TOP3A: variants seen among roughly 807,000 people sequenced by gnomAD.
TOP3A encodes DNA topoisomerase 3-alpha.
A neutral mutation model predicts 111.3 loss-of-function variants in TOP3A; 64 were observed. The observed-to-expected ratio is 0.57, with a 90% confidence interval of 0.47 to 0.71. The LOEUF is 0.71. TOP3A is among the 30% of genes least tolerant of loss of function. The pLI is 0.00. For missense variants in TOP3A, 1,104 were observed against 1,285.0 expected, an observed-to-expected ratio of 0.86 and a Z score of 2.15; for synonymous variants, 484 against 485.1, an observed-to-expected ratio of 1.00 and a Z score of 0.03.
At position 18,274,784 on chromosome 17, in the gene TOP3A, C is replaced by T. The variant is rs772448359; in HGVS notation, c.*18G>A. 2 of 1,604,192 alleles carry T rather than the reference C, an allele frequency of 1.2e-6. No homozygotes were observed. Among genetic ancestry groups the T allele is most frequent in the Non-Finnish European group, 1.7e-6 (2 of 1,173,618 alleles). ...GGGACAGGTCTGAGAAAGTGGCGTT[C>T]TCTACCCTACCCTGAGCTCATCTGT... On this transcript the variant is annotated 3_prime_UTR_variant, in exon 19 of 19. Coordinates refer to ENST00000321105, the MANE Select transcript of TOP3A (RefSeq NM_004618.5).
At chr17:18,302,190 A>G (rs533678246) in intron 7 of TOP3A, 74 bp downstream of exon 7, 28 of 1,508,500 alleles carry the variant, frequency 1.9e-5, no homozygotes, top group South Asian at 2.5e-5. Context: ...TATTAGTGCT[A>G]TTAATGCTCA....
intron 9 of TOP3A, among the ~76,000 whole-genome samples, chr17:18,296,101 C>A (rs968034249): frequency 1.3e-5 from 2 of 152,154 alleles, no homozygotes; most frequent in Non-Finnish European, 2.9e-5. Flanking sequence ...GTCTAATACA[C>A]TGCTTTAACA....
intron 9 of TOP3A, among the ~76,000 whole-genome samples, chr17:18,297,220 G>A (rs1980866899): frequency 6.6e-6 from 1 of 152,208 alleles, no homozygotes; most frequent in African/African-American, 2.4e-5. Flanking sequence ...GAGGTCAGAA[G>A]TTCGAGACCA....
At chr17:18,303,099 C>G (rs911642940) in intron 5 of TOP3A, 54 of 180,318 alleles carry the variant, frequency 3.0e-4, no homozygotes, top group African/African-American at 1.2e-3. Context: ...TTGTCCCAAC[C>G]CTGTGCTCAC....
At position 18,271,814 on chromosome 17, in the gene TOP3A, G is replaced by A. The variant is rs1404562021; in HGVS notation, c.*2988C>T. On this transcript the variant is annotated 3_prime_UTR_variant, in exon 19 of 19. Coordinates refer to ENST00000321105, the MANE Select transcript of TOP3A (RefSeq NM_004618.5). ...TGATGGCTCCTGCCTGTTAATCCTA[G>A]CACTTTGGGAGGCCGAGGCTGGTAG... 3 of 442,264 alleles carry A rather than the reference G, an allele frequency of 6.8e-6. No homozygotes were observed. 27.4% of individuals were successfully genotyped at this position (442,264 alleles called of 1,614,324 possible).
At chr17:18,284,214 G>A (rs1419396826) in intron 15 of TOP3A, among the ~76,000 whole-genome samples, 2 of 147,742 alleles carry the variant, frequency 1.4e-5, no homozygotes, top group Non-Finnish European at 3.0e-5. Flanking sequence ...GGGTTTCACT[G>A]TGTTGGCCAG....
Position 18,274,618 on chromosome 17 carries a change from G to T in TOP3A, c.*184C>A. On this transcript the variant is annotated 3_prime_UTR_variant, in exon 19 of 19. Coordinates refer to ENST00000321105, the MANE Select transcript of TOP3A (RefSeq NM_004618.5). ...CTGGGAAGAGGGTCACTGTCCAGCA[G>T]AGCTGGCCTGCTCCAGAGTGATCTG... 1 of 1,026,360 alleles carries T rather than the reference G, an allele frequency of 9.7e-7. No individual in the cohort carries two copies. Among genetic ancestry groups the T allele is most frequent in the Non-Finnish European group, 1.4e-6 (1 of 737,794 alleles). 63.6% of individuals were successfully genotyped at this position (1,026,360 alleles called of 1,614,324 possible).
chr17:18,290,808 G>A (rs749243241), intron 12 of TOP3A, 34 bp downstream of exon 12: 3 of 1,608,526 alleles, frequency 1.9e-6, no homozygotes, highest in Non-Finnish European at 2.6e-6. Context: ...CAACACAACT[G>A]TCCTCCCTCT....
chr17:18,298,016 A>T (rs1980946993), intron 9 of TOP3A, among the ~76,000 whole-genome samples: 2 of 150,460 alleles, frequency 1.3e-5, no homozygotes, highest in Admixed American at 1.3e-4. Context: ...CTGGGAAGTG[A>T]GGAGCGTCTC....
At chr17:18,296,608 C>T (rs1043453546) in intron 9 of TOP3A, among the ~76,000 whole-genome samples, 18 of 152,084 alleles carry the variant, frequency 1.2e-4, no homozygotes, top group African/African-American at 3.4e-4. Flanking sequence ...AAACAAAATG[C>T]ATAACTTCCC....
intron 13 of TOP3A, among the ~76,000 whole-genome samples, chr17:18,288,937 C>T (rs1980294951): frequency 6.6e-6 from 1 of 152,214 alleles, no homozygotes; most frequent in Admixed American, 6.5e-5. Flanking sequence ...ACACTTTGTA[C>T]CTCAGTCTCT....
At chr17:18,279,713 G>T (rs542200667) in intron 17 of TOP3A, among the ~76,000 whole-genome samples, 1 of 152,102 alleles carries the variant, frequency 6.6e-6, no homozygotes, top group Non-Finnish European at 1.5e-5. Flanking sequence ...TAGAGACAGG[G>T]TCTGGCTCTG....
At chr17:18,310,461 T>C (rs540149109) in intron 1 of TOP3A, among the ~76,000 whole-genome samples, 26 of 152,070 alleles carry the variant, frequency 1.7e-4, no homozygotes, top group African/African-American at 5.8e-4. Context: ...GAACTGATAT[T>C]AATACATGGT....
At chr17:18,297,344 G>A (rs1405231500) in intron 9 of TOP3A, among the ~76,000 whole-genome samples, 1 of 152,212 alleles carries the variant, frequency 6.6e-6, no homozygotes, top group Non-Finnish European at 1.5e-5. Flanking sequence ...AGAATCACTT[G>A]AACCCGGGAG....
intron 15 of TOP3A, among the ~76,000 whole-genome samples, chr17:18,283,293 C>G (rs927081777): frequency 3.9e-5 from 6 of 151,924 alleles, no homozygotes; most frequent in Non-Finnish European, 7.4e-5. Flanking sequence ...CGCTTGAACC[C>G]AGGAGGCAGA....
chr17:18,294,065 T>A (rs1274231781), intron 10 of TOP3A, among the ~76,000 whole-genome samples: 1 of 152,168 alleles, frequency 6.6e-6, no homozygotes, highest in Non-Finnish European at 1.5e-5. Flanking sequence ...AGGACCTCAG[T>A]GCTGGGGTGT....
chr17:18,280,544 AG>A lies in TOP3A; in HGVS notation c.2135del (p.Pro712LeufsTer5). The A allele has an allele frequency of 6.2e-7, 1 of 1,613,482 alleles. No homozygotes were observed. The highest frequency in any genetic ancestry group is 8.5e-7 in the Non-Finnish European group (1 of 1,179,708). On this transcript the variant is annotated frameshift_variant, in exon 17 of 19. Transcript: ENST00000321105. LOFTEE classifies it high-confidence loss of function. ...TCAGGTGCCCAGCTCACCTGTACAC[AG>A]GGTGTGGCTGACAAACTGGACACAC... ...SSVCPVCQPH[P>X]VYRLKLKFKR...
At chr17:18,309,099 G>A (rs1486724558) in intron 1 of TOP3A, among the ~76,000 whole-genome samples, 158 bp from the exon 2 acceptor site, 2 of 152,100 alleles carry the variant, frequency 1.3e-5, no homozygotes, top group East Asian at 1.9e-4. Flanking sequence ...TGGCCAACAA[G>A]CATATGAAAA....
rs1979041421 is a variant in TOP3A, at chr17:18,272,258, A to G, written c.*2544T>C. ...AGGATGACAAAACACTAGGATGGCT[A>G]TAATACAAGAAAAGGAAAGGAACAA... On this transcript the variant is annotated 3_prime_UTR_variant, in exon 19 of 19. Transcript: ENST00000321105. Among the ~76,000 whole-genome samples, 2 of 152,190 alleles carry G rather than the reference A, an allele frequency of 1.3e-5. No individual in the cohort carries two copies. Among genetic ancestry groups the G allele is most frequent in the South Asian group, 4.1e-4 (2 of 4,828 alleles).
Sources: allele counts gnomAD v4.1 joint callset (sites outside exome capture counted in the v4.1 genomes callset), GRCh38; gene constraint gnomAD v4.1.1; transcripts MANE v1.5; gene names NCBI Gene and HGNC (gene_info 2026-07-23, HGNC 2026-07-21).